The following NDST4 variants were observed in gnomAD, a reference collection of about 807,000 sequenced individuals.
NDST4 encodes N-deacetylase and N-sulfotransferase 4, also known as N-heparan sulfate sulfotransferase 4.
A neutral mutation model predicts 100.8 loss-of-function variants in NDST4; 63 were observed. That is an observed-to-expected ratio of 0.62 (90% CI 0.51 to 0.77). The LOEUF (loss-of-function observed/expected upper bound fraction) is 0.77, where lower values mean the gene tolerates loss of function less well. Ranked by LOEUF, NDST4 falls within the 30% of genes least tolerant of loss-of-function variation. The pLI, the probability that NDST4 is intolerant of heterozygous loss-of-function variation, is 0.00. For missense variants in NDST4, 943 were observed against 1,018.4 expected (o/e 0.93, Z 1.01); for synonymous variants, 377 against 361.8 (o/e 1.04, Z -0.48).
chr4:115,017,445 T>A (rs279531), intron 2 of NDST4, among the ~76,000 whole-genome samples: 7 of 151,896 alleles, frequency 4.6e-5, no homozygotes, highest in African/African-American at 1.7e-4. Flanking sequence ...TAAAACATTG[T>A]TACATAGAAT....
chr4:114,994,714 A>G (rs1050226290), intron 2 of NDST4, among the ~76,000 whole-genome samples: 1 of 152,044 alleles, frequency 6.6e-6, no homozygotes, highest in Non-Finnish European at 1.5e-5. Flanking sequence ...AGATGATGAT[A>G]CAACAAGAAT....
chr4:115,105,288 T>G (rs1377037340), intron 1 of NDST4, among the ~76,000 whole-genome samples: 2 of 152,164 alleles, frequency 1.3e-5, no homozygotes, highest in East Asian at 1.9e-4. Flanking sequence ...CCTCTAATGT[T>G]GACATGTTAT....
rs189654796 is a variant in NDST4 at position 114,914,872 on chromosome 4, C to T, written c.1536+20334G>A. 1.7e-3 allele frequency among the ~76,000 whole-genome samples: 263 copies of T among 152,124 alleles called. 2 individuals are homozygous for T. Among genetic ancestry groups the T allele is most frequent in the African/African-American group, 6.0e-3 (249 of 41,502 alleles). On this transcript the variant is annotated intron_variant, in intron 6 of 13. Coordinates refer to ENST00000264363, the MANE Select transcript of NDST4 (RefSeq NM_022569.3). ...AATGTTTCATTAACTTATTTTTACT[C>T]GTGCTATCGCCAGGCAGGGAATAGG...
chr4:114,974,133 C>T (rs901455815), intron 3 of NDST4, among the ~76,000 whole-genome samples: 2 of 151,938 alleles, frequency 1.3e-5, no homozygotes, highest in Non-Finnish European at 2.9e-5. Context: ...TTATTATCCC[C>T]ATTTGGTAGA....
At chr4:115,067,894 T>TC (rs954737549) in intron 2 of NDST4, among the ~76,000 whole-genome samples, 6 of 88,812 alleles carry the variant, frequency 6.8e-5, no homozygotes, top group African/African-American at 2.7e-4. Context: ...CCCTCCTCCC[T>TC]CCCCCCACCC....
intron 6 of NDST4, among the ~76,000 whole-genome samples, chr4:114,902,554 G>T (rs183492037): frequency 6.6e-6 from 1 of 152,074 alleles, no homozygotes; most frequent in African/African-American, 2.4e-5. Flanking sequence ...AATTTTGGGG[G>T]AGATTTATCC....
At chr4:114,941,846 G>A (rs1260864502) in intron 4 of NDST4, among the ~76,000 whole-genome samples, 1 of 152,134 alleles carries the variant, frequency 6.6e-6, no homozygotes, top group African/African-American at 2.4e-5. Flanking sequence ...AAGTCTTCTT[G>A]TTTAAAATAA....
At chr4:114,852,889 T>C in intron 7 of NDST4, 68 bp from the exon 8 acceptor site, 1 of 1,117,902 alleles carries the variant, frequency 8.9e-7, no homozygotes, top group Non-Finnish European at 1.3e-6. Context: ...TAAAAATTGT[T>C]CAAAAGATGG....
At chr4:114,986,824 A>ATTTT (rs1354529061) in intron 2 of NDST4, among the ~76,000 whole-genome samples, 1 of 110,998 alleles carries the variant, frequency 9.0e-6, no homozygotes, top group African/African-American at 3.3e-5. Flanking sequence ...ATATATATAT[A>ATTTT]TATATATATT....
intron 2 of NDST4, among the ~76,000 whole-genome samples, chr4:115,032,614 A>G (rs1231702063): frequency 6.6e-6 from 1 of 152,128 alleles, no homozygotes; most frequent in East Asian, 1.9e-4. Flanking sequence ...TAGATTATAT[A>G]ATTAAATAAT....
intron 7 of NDST4, among the ~76,000 whole-genome samples, chr4:114,858,974 C>T (rs1202437122): frequency 2.6e-5 from 4 of 152,176 alleles, no homozygotes; most frequent in Non-Finnish European, 5.9e-5. Context: ...AGAACAGCTA[C>T]TATATAGTGA....
At chr4:115,048,668 T>C (rs1254078652) in intron 2 of NDST4, among the ~76,000 whole-genome samples, 2 of 151,710 alleles carry the variant, frequency 1.3e-5, no homozygotes, top group Admixed American at 6.6e-5. Context: ...CTTTTTCATA[T>C]ACCTGTTGGC....
chr4:114,950,882 C>CTT (rs5861198), intron 4 of NDST4, among the ~76,000 whole-genome samples: 101,136 of 151,588 alleles, frequency 0.67, 33,841 homozygotes, highest in Non-Finnish European at 0.69. Context: ...TAAAATGTCA[C>CTT]TATTATTCTT....
intron 2 of NDST4, among the ~76,000 whole-genome samples, chr4:115,012,199 C>A (rs1455304041): frequency 1.3e-5 from 2 of 151,902 alleles, no homozygotes; most frequent in Non-Finnish European, 1.5e-5. Flanking sequence ...GATAATTTAT[C>A]AATTTTATAA....
intron 7 of NDST4, among the ~76,000 whole-genome samples, chr4:114,859,104 T>G (rs908018079): frequency 6.6e-6 from 1 of 152,170 alleles, no homozygotes; most frequent in African/African-American, 2.4e-5. Flanking sequence ...AAGTGCTAGA[T>G]GGGGGTGCCA....
At chr4:115,101,407 G>GA (rs969838005) in intron 1 of NDST4, among the ~76,000 whole-genome samples, 5 of 151,784 alleles carry the variant, frequency 3.3e-5, no homozygotes, top group Admixed American at 1.3e-4. Context: ...TTAAAGGATA[G>GA]AAAAAAAACC....
chr4:114,917,858 G>A (rs1725206999), intron 6 of NDST4, among the ~76,000 whole-genome samples: 1 of 152,162 alleles, frequency 6.6e-6, no homozygotes, highest in Admixed American at 6.5e-5. Flanking sequence ...TTACATGGTT[G>A]ATGGGAGGCT....
At chr4:115,103,489 A>T (rs1297618729) in intron 1 of NDST4, among the ~76,000 whole-genome samples, 1 of 152,148 alleles carries the variant, frequency 6.6e-6, no homozygotes, top group African/African-American at 2.4e-5. Flanking sequence ...TCTTACTCAA[A>T]TAGGAAATAC....
intron 6 of NDST4, among the ~76,000 whole-genome samples, chr4:114,934,407 C>T (rs1377940818): frequency 3.3e-5 from 5 of 151,578 alleles, no homozygotes; most frequent in African/African-American, 7.3e-5. Flanking sequence ...AAAAATTAGC[C>T]GGGCGTGGTG....
Sources: allele counts gnomAD v4.1 joint callset (sites outside exome capture counted in the v4.1 genomes callset), GRCh38; gene constraint gnomAD v4.1.1; transcripts MANE v1.5; gene names NCBI Gene and HGNC (gene_info 2026-07-23, HGNC 2026-07-21).